The following AHCYL1 variants were observed in gnomAD, a reference collection of about 807,000 sequenced individuals.
The protein encoded by AHCYL1 is S-adenosylhomocysteine hydrolase-like protein 1.
AHCYL1 carries 20 observed loss-of-function variants against 79.3 expected under a neutral mutation model. The ratio of observed to expected loss-of-function variants is 0.25; its 90% confidence interval spans 0.18 to 0.37. The LOEUF is 0.37. Ranked by LOEUF, AHCYL1 falls within the 10% of genes least tolerant of loss-of-function variation. The pLI is 1.00. For missense variants in AHCYL1, 330 were observed against 673.6 expected (o/e 0.49, Z 5.65); for synonymous variants, 223 against 242.2 (o/e 0.92, Z 0.74).
chr1:110,019,620 A>C lies in AHCYL1; in HGVS notation c.1459A>C (p.Lys487Gln). The C allele has an allele frequency of 6.2e-7, 1 of 1,612,494 alleles. No homozygotes were observed. The highest frequency in any genetic ancestry group is 8.5e-7 in the Non-Finnish European group (1 of 1,179,524). ...GCAGGATGTGTACTTGCTTCCTAAG[A>C]AAATGGGTGAGTGAAAAACAGTGGA... ...YKQDVYLLPK[K>Q]MDEYVASLHL... Residue 487 changes from lysine to glutamine, a missense_variant, in exon 15 of 17, where the codon AAA becomes CAA. Physicochemically the swap from Lys to Gln is moderately conservative, Grantham distance 53. This residue lies in a region of AHCYL1 where 119 missense variants were observed against 293.3 expected (regional missense o/e 0.41). Transcript: ENST00000369799.
At chr1:110,007,617 C>G (rs1055826973) in intron 1 of AHCYL1, among the ~76,000 whole-genome samples, 1 of 151,672 alleles carries the variant, frequency 6.6e-6, no homozygotes, top group African/African-American at 2.4e-5. Flanking sequence ...GTTTACTGTT[C>G]CTGGCTTTAA....
rs747521156 is a variant in AHCYL1, at chr1:110,019,651, A to G, written c.1465+25A>G. On this transcript the variant is annotated intron_variant, in intron 15 of 16. Coordinates refer to ENST00000369799, the MANE Select transcript of AHCYL1 (RefSeq NM_006621.7). The stretch of plus-strand genomic sequence containing the variant: ...GGTGAGTGAAAAACAGTGGAAATCT[A>G]TGCAGACAGCTGCATAGTTTGGTAA... 8.8e-6 allele frequency: 14 copies of G among 1,593,872 alleles called. No individual in the cohort carries two copies. In the African/African-American group the frequency reaches 1.9e-4, roughly 22 times the overall value.
intron 1 of AHCYL1, among the ~76,000 whole-genome samples, chr1:109,995,929 A>T (rs897521761): frequency 2.6e-5 from 4 of 152,210 alleles, no homozygotes; most frequent in Non-Finnish European, 5.9e-5. Flanking sequence ...TAACATTGAG[A>T]TGGTAATGGC....
chr1:110,014,903 C>CT, intron 6 of AHCYL1, 46 bp downstream of exon 6: 1 of 1,541,086 alleles, frequency 6.5e-7, no homozygotes, highest in Non-Finnish European at 9.0e-7. Context: ...GATTTATTTC[C>CT]TTTTTTTCCC....
At chr1:109,987,057 G>A (rs1033622649) in intron 1 of AHCYL1, among the ~76,000 whole-genome samples, 2 of 152,184 alleles carry the variant, frequency 1.3e-5, no homozygotes, top group Non-Finnish European at 2.9e-5. Flanking sequence ...CCATTTACCA[G>A]TAAATGTGCC....
In AHCYL1 at chr1:110,009,042, G is replaced by A. The variant is rs1172260750; in HGVS notation, c.129G>A (p.Gln43=). The A allele has an allele frequency of 3.7e-6, 6 of 1,612,482 alleles. No homozygotes were observed. Among genetic ancestry groups the A allele is most frequent in the Non-Finnish European group, 5.1e-6 (6 of 1,178,806 alleles). The change falls in exon 2 of 17, where the codon CAG becomes CAA. Residue 43 remains glutamine, a synonymous_variant. Transcript: ENST00000369799. ...TVTKAPKKQI[Q]FADDMQEFTK... is the part of the protein sequence containing the mutation. Reference sequence around the variant, plus strand: ...GTCTTCCTTTTGTATAGCAAATCCAGTTTGCTGATGACATGCAGGAGTTCA... The same window carrying A: ...GTCTTCCTTTTGTATAGCAAATCCAATTTGCTGATGACATGCAGGAGTTCA...
intron 5 of AHCYL1, among the ~76,000 whole-genome samples, chr1:110,013,535 C>A (rs1054098670): frequency 1.6e-4 from 24 of 152,016 alleles, no homozygotes; most frequent in Non-Finnish European, 2.5e-4. Context: ...CATGGTGAAA[C>A]CCCACCTCTA....
chr1:109,985,813 CAT>C (rs1439038882), intron 1 of AHCYL1, among the ~76,000 whole-genome samples: 3 of 152,264 alleles, frequency 2.0e-5, no homozygotes, highest in East Asian at 3.9e-4. Context: ...ATCCTAGAGT[CAT>C]GTGAATAGAT....
chr1:110,009,414 A>T (rs1307974731), intron 2 of AHCYL1, among the ~76,000 whole-genome samples: 1 of 152,188 alleles, frequency 6.6e-6, no homozygotes, highest in Non-Finnish European at 1.5e-5. Flanking sequence ...TCCCATTCCC[A>T]CATTGATCCG....
intron 1 of AHCYL1, chr1:110,000,897 A>G: frequency 2.1e-6 from 2 of 931,412 alleles, no homozygotes; most frequent in Non-Finnish European, 2.6e-6. Context: ...GAAAATACAA[A>G]CCCTCTGTAA....
intron 1 of AHCYL1, among the ~76,000 whole-genome samples, chr1:109,987,629 T>C (rs1649541408): frequency 6.6e-6 from 1 of 152,252 alleles, no homozygotes; most frequent in South Asian, 2.1e-4. Context: ...TCAGCTTTTA[T>C]TCATTTTGTT....
chr1:110,022,281 C>G lies in AHCYL1; in HGVS notation c.*601C>G, dbSNP rs1321456442. On this transcript the variant is annotated 3_prime_UTR_variant, in exon 17 of 17. Coordinates refer to ENST00000369799, the MANE Select transcript of AHCYL1 (RefSeq NM_006621.7). ...TTGGATTTATAGTATAGCCCTTCCTCCACTCCCACCAGACTTGCTCATTTT... is the reference window on the plus strand; with the variant it reads ...TTGGATTTATAGTATAGCCCTTCCTGCACTCCCACCAGACTTGCTCATTTT... 1 of 152,016 alleles carries G rather than the reference C, an allele frequency of 6.6e-6. No individual in the cohort carries two copies. Among genetic ancestry groups the G allele is most frequent in the Non-Finnish European group, 1.5e-5 (1 of 68,056 alleles). 9.4% of individuals were successfully genotyped at this position (152,016 alleles called of 1,614,324 possible).
chr1:110,003,640 C>G (rs560344490), intron 1 of AHCYL1, among the ~76,000 whole-genome samples: 1 of 151,232 alleles, frequency 6.6e-6, no homozygotes, highest in Non-Finnish European at 1.5e-5. Context: ...AAATCAATAT[C>G]GGGAGAAACA....
intron 8 of AHCYL1, 49 bp from the exon 9 acceptor site, chr1:110,016,618 T>G: frequency 6.2e-7 from 1 of 1,610,560 alleles, no homozygotes; most frequent in Non-Finnish European, 8.5e-7. Flanking sequence ...GAAGAGGGAC[T>G]GAGTTTGAGC....
At chr1:110,016,971 C>T (rs1651457447) in intron 9 of AHCYL1, among the ~76,000 whole-genome samples, 1 of 152,136 alleles carries the variant, frequency 6.6e-6, no homozygotes, top group African/African-American at 2.4e-5. Context: ...TCATCTTCCC[C>T]AATTATAACA....
intron 1 of AHCYL1, among the ~76,000 whole-genome samples, chr1:109,995,434 A>AT (rs1649981155): frequency 6.6e-6 from 1 of 152,234 alleles, no homozygotes; most frequent in Non-Finnish European, 1.5e-5. Flanking sequence ...TTCCTCAGAC[A>AT]GTCTCTTTGT....
intron 1 of AHCYL1, chr1:110,003,903 G>C: frequency 3.0e-6 from 3 of 985,060 alleles, no homozygotes; most frequent in Non-Finnish European, 3.6e-6. Flanking sequence ...TCATTGACTG[G>C]AGCACTTTAG....
intron 1 of AHCYL1, among the ~76,000 whole-genome samples, chr1:109,987,065 G>A (rs189947832): frequency 1.0e-3 from 156 of 152,242 alleles, no homozygotes; most frequent in Middle Eastern, 6.8e-3. Context: ...CAGTAAATGT[G>A]CCCCACCGTG....
chr1:110,009,175 T>G (rs1286711225), intron 2 of AHCYL1, 30 bp downstream of exon 2: 2 of 1,567,356 alleles, frequency 1.3e-6, no homozygotes, highest in East Asian at 4.5e-5. Context: ...ATGTCCTCTC[T>G]AATCTCTCTT....
Sources: gnomAD v4.1 joint callset for allele counts (sites outside exome capture counted in the v4.1 genomes callset) on GRCh38, gnomAD v4.1.1 for gene constraint, gnomAD v4.1.1 regional missense constraint, MANE v1.5 for transcripts, NCBI Gene and HGNC (gene_info 2026-07-23, HGNC 2026-07-21) for gene names.